The following FHOD3 variants were observed in gnomAD, a reference collection of about 807,000 sequenced individuals.
FHOD3 encodes the protein FH1/FH2 domain-containing protein 3.
A neutral mutation model predicts 173.0 loss-of-function variants in FHOD3; 90 were observed. The ratio of observed to expected loss-of-function variants is 0.52; its 90% CI spans 0.44 to 0.62. FHOD3 has a LOEUF of 0.62. Ranked by LOEUF, FHOD3 falls within the 20% of genes least tolerant of loss-of-function variation. The pLI is 0.00. For missense variants in FHOD3, 1,945 were observed against 2,034.7 expected (o/e 0.96, Z 0.85); for synonymous variants, 828 against 823.0 (o/e 1.01, Z -0.10).
chr18:36,338,108 C>T (rs1237949372), intron 1 of FHOD3, among the ~76,000 whole-genome samples: 12 of 152,156 alleles, frequency 7.9e-5, no homozygotes, highest in Non-Finnish European at 1.8e-4. Context: ...TTGAAATCCT[C>T]TGGTTATTGA....
intron 10 of FHOD3, 139 bp from the exon 11 acceptor site, chr18:36,649,176 GT>G: frequency 1.7e-6 from 1 of 592,670 alleles, no homozygotes; most frequent in Non-Finnish European, 2.9e-6. Flanking sequence ...AGCCAGCTGG[GT>G]GGTTTTTTTT....
At chr18:36,458,536 C>G (rs1273731725) in intron 3 of FHOD3, among the ~76,000 whole-genome samples, 1 of 152,092 alleles carries the variant, frequency 6.6e-6, no homozygotes, top group Non-Finnish European at 1.5e-5. Flanking sequence ...AAAATAGGTG[C>G]TTGCCTCAGC....
At chr18:36,449,580 C>T (rs1018100653) in intron 3 of FHOD3, among the ~76,000 whole-genome samples, 1 of 152,166 alleles carries the variant, frequency 6.6e-6, no homozygotes, top group African/African-American at 2.4e-5. Flanking sequence ...CAGCTTATTC[C>T]ACAGAGTTTT....
intron 3 of FHOD3, among the ~76,000 whole-genome samples, chr18:36,450,045 A>G (rs1420930484): frequency 6.6e-6 from 1 of 152,094 alleles, no homozygotes; most frequent in Non-Finnish European, 1.5e-5. Context: ...ACTGTAGCCA[A>G]TGTGTAATCT....
At chr18:36,328,180 G>C (rs1337706790) in intron 1 of FHOD3, among the ~76,000 whole-genome samples, 1 of 152,236 alleles carries the variant, frequency 6.6e-6, no homozygotes, top group Non-Finnish European at 1.5e-5. Flanking sequence ...CTGGTATCTG[G>C]TGGGAGACAA....
At chr18:36,370,812 C>T (rs1024153365) in intron 2 of FHOD3, among the ~76,000 whole-genome samples, 3 of 152,208 alleles carry the variant, frequency 2.0e-5, no homozygotes, top group Non-Finnish European at 4.4e-5. Flanking sequence ...AGCCTGGCCC[C>T]TGGCAGGGGT....
chr18:36,538,290 A>C (rs552916472), intron 5 of FHOD3, among the ~76,000 whole-genome samples: 34 of 152,360 alleles, frequency 2.2e-4, no homozygotes, highest in Admixed American at 1.4e-3. Context: ...AGAGCAAAAC[A>C]AACCTAAAAT....
At chr18:36,700,900 C>T (rs937668117) in intron 17 of FHOD3, among the ~76,000 whole-genome samples, 1 of 152,222 alleles carries the variant, frequency 6.6e-6, no homozygotes, top group African/African-American at 2.4e-5. Context: ...CTGGACTCTT[C>T]ATCGAGCTGA....
intron 5 of FHOD3, among the ~76,000 whole-genome samples, chr18:36,534,768 C>A (rs1599552411): frequency 6.6e-6 from 1 of 152,194 alleles, no homozygotes; most frequent in Non-Finnish European, 1.5e-5. Flanking sequence ...TTACAAAGCG[C>A]TGCTGAACCA....
intron 19 of FHOD3, among the ~76,000 whole-genome samples, chr18:36,719,941 G>T (rs544635767): frequency 9.9e-5 from 15 of 152,280 alleles, no homozygotes; most frequent in African/African-American, 2.9e-4. Context: ...GTTTACCCCA[G>T]TGTGTGTTTC....
intron 15 of FHOD3, among the ~76,000 whole-genome samples, chr18:36,685,870 T>A (rs1323160534): frequency 6.6e-6 from 1 of 151,960 alleles, no homozygotes; most frequent in Non-Finnish European, 1.5e-5. Flanking sequence ...AAACAAAACA[T>A]TAAAATTAAG....
At chr18:36,298,028 C>G (rs750542446) in intron 1 of FHOD3, 28 bp downstream of exon 1, 8 of 1,481,556 alleles carry the variant, frequency 5.4e-6, no homozygotes, top group African/African-American at 4.4e-5. Flanking sequence ...GGGCTGGGCC[C>G]CCTGGACTCA....
intron 10 of FHOD3, among the ~76,000 whole-genome samples, chr18:36,644,069 C>T (rs1411681990): frequency 1.3e-5 from 2 of 152,172 alleles, no homozygotes; most frequent in African/African-American, 4.8e-5. Context: ...GGTCAGGCTG[C>T]AGGCCTCTGG....
chr18:36,483,505 A>G (rs770553701), intron 3 of FHOD3, among the ~76,000 whole-genome samples: 3 of 152,188 alleles, frequency 2.0e-5, no homozygotes, highest in Non-Finnish European at 4.4e-5. Flanking sequence ...TCTACTGAGT[A>G]TTGAAGAACG....
At chr18:36,571,879 A>G (rs1024708179) in intron 5 of FHOD3, among the ~76,000 whole-genome samples, 1 of 152,254 alleles carries the variant, frequency 6.6e-6, no homozygotes, top group African/African-American at 2.4e-5. Flanking sequence ...AGGAGAAACT[A>G]CATATTTTTA....
chr18:36,683,852 A>G (rs573294248), intron 15 of FHOD3, among the ~76,000 whole-genome samples: 2 of 152,344 alleles, frequency 1.3e-5, no homozygotes, highest in South Asian at 4.1e-4. Flanking sequence ...ATCACTAGGC[A>G]TATCACTTTG....
chr18:36,533,010 G>A (rs2056849854), intron 5 of FHOD3, among the ~76,000 whole-genome samples: 1 of 152,172 alleles, frequency 6.6e-6, no homozygotes, highest in East Asian at 1.9e-4. Flanking sequence ...CAGTGGGAGG[G>A]GCTTTGTAAG....
intron 8 of FHOD3, among the ~76,000 whole-genome samples, chr18:36,603,708 T>C (rs2031708534): frequency 6.6e-6 from 1 of 152,138 alleles, no homozygotes; most frequent in Non-Finnish European, 1.5e-5. Flanking sequence ...TTAGCCATAT[T>C]GGCCAGGCTG....
chr18:36,487,667 T>A (rs1038000188), intron 3 of FHOD3, among the ~76,000 whole-genome samples: 4 of 152,244 alleles, frequency 2.6e-5, no homozygotes, highest in African/African-American at 9.6e-5. Context: ...TGAAGCTATA[T>A]CCACATTGTT....
Sources: gnomAD v4.1 joint callset for allele counts (sites outside exome capture counted in the v4.1 genomes callset) on GRCh38, gnomAD v4.1.1 for gene constraint, MANE v1.5 for transcripts, NCBI Gene and HGNC (gene_info 2026-07-23, HGNC 2026-07-21) for gene names.